Variants in NAA30 observed in about 807,000 individuals in gnomAD.
The protein encoded by NAA30 is N-alpha-acetyltransferase 30, NatC catalytic subunit.
A neutral mutation model predicts 31.4 loss-of-function variants in NAA30; 5 were observed. That is an observed-to-expected ratio of 0.16 (90% confidence interval 0.08 to 0.33). NAA30 has a LOEUF of 0.33. NAA30 is among the 10% of genes least tolerant of loss of function. NAA30 has a pLI of 1.00. For missense variants in NAA30, 428 were observed against 490.8 expected (o/e 0.87, Z 1.21); for synonymous variants, 222 against 207.1 (o/e 1.07, Z -0.62).
chr14:57,396,672 G>A, intron 2 of NAA30, 80 bp from the exon 3 acceptor site: 1 of 1,478,188 alleles, frequency 6.8e-7, no homozygotes, highest in Non-Finnish European at 9.3e-7. Context: ...GCTTACCAAT[G>A]GTTGGTTGTT....
intron 4 of NAA30, among the ~76,000 whole-genome samples, chr14:57,401,352 T>C (rs1260748742): frequency 1.3e-5 from 2 of 152,224 alleles, no homozygotes; most frequent in Non-Finnish European, 2.9e-5. Context: ...TTTAAAAATA[T>C]CTAATTTTAC....
rs1156324365 is a variant in NAA30 at position 57,399,871 on chromosome 14, A to T, written c.939A>T (p.Gly313=). The T allele has an allele frequency of 2.6e-6, 4 of 1,529,920 alleles. No individual in the cohort carries two copies. The highest frequency in any genetic ancestry group is 3.6e-6 in the Non-Finnish European group (4 of 1,106,412). 94.8% of individuals were successfully genotyped at this position (1,529,920 alleles called of 1,614,324 possible). A position where few individuals can be genotyped will look rare whatever the true frequency, so the allele number is the denominator to read the frequency against. ...VKKAIYAMVE[G]DCDEVVLETE... Reference sequence around the variant, plus strand: ...AAGCTATATATGCCATGGTTGAGGGAGACTGTGATGAGGTAAGTCTTTAAA... The same window carrying T: ...AAGCTATATATGCCATGGTTGAGGGTGACTGTGATGAGGTAAGTCTTTAAA... Residue 313 remains glycine, a synonymous_variant, in exon 4 of 5, where the codon GGA becomes GGT. Transcript: ENST00000556492.
chr14:57,404,698 G>A (rs2066491044), intron 4 of NAA30, among the ~76,000 whole-genome samples: 1 of 152,208 alleles, frequency 6.6e-6, no homozygotes, highest in African/African-American at 2.4e-5. Flanking sequence ...CAAAATCATG[G>A]CAGAAGGCAA....
intron 3 of NAA30, among the ~76,000 whole-genome samples, chr14:57,397,724 A>T (rs1353944356): frequency 6.6e-6 from 1 of 152,246 alleles, no homozygotes; most frequent in East Asian, 1.9e-4. Flanking sequence ...CAGGAGTTCA[A>T]GACCAGCCTG....
intron 4 of NAA30, among the ~76,000 whole-genome samples, chr14:57,402,290 T>C (rs774892604): frequency 2.0e-5 from 3 of 152,254 alleles, no homozygotes; most frequent in Non-Finnish European, 4.4e-5. Flanking sequence ...ACTCTTTTTG[T>C]AATTATTGCA....
intron 3 of NAA30, among the ~76,000 whole-genome samples, chr14:57,399,254 A>G (rs572754539): frequency 1.3e-5 from 2 of 152,316 alleles, no homozygotes; most frequent in African/African-American, 4.8e-5. Flanking sequence ...ATTTGACCCT[A>G]AACTAGGATA....
chr14:57,411,730 T>C lies in NAA30; in HGVS notation c.*2214T>C, dbSNP rs1217230124. On this transcript the variant is annotated 3_prime_UTR_variant, in exon 5 of 5. Coordinates refer to ENST00000556492, the MANE Select transcript of NAA30 (RefSeq NM_001011713.3). ...AATGTCAGTGTATGCCTTATGTCTT[T>C]AATTGGGTATGCAAAAAAATTTTTA... 1 of 152,164 alleles carries C rather than the reference T, an allele frequency of 6.6e-6. No individual in the cohort carries two copies. The allele number at this position is 152,164 out of a possible 1,614,324, so 9.4% of individuals were successfully genotyped here.
intron 4 of NAA30, 27 bp from the exon 5 acceptor site, chr14:57,409,352 C>G: frequency 6.5e-7 from 1 of 1,544,972 alleles, no homozygotes. Flanking sequence ...GTAATTATAA[C>G]TTAGTTTTTT....
In NAA30 at chr14:57,403,571, T is replaced by A. The variant is rs561005847; in HGVS notation, c.951+3688T>A. ...AAAAAATTTTTTCATTTTCTATGTA[T>A]TTGGAGCTGACTAAAAAATTATAGT... On this transcript the variant is annotated intron_variant, in intron 4 of 4. Coordinates refer to ENST00000556492, the MANE Select transcript of NAA30 (RefSeq NM_001011713.3). 3.6e-3 allele frequency among the ~76,000 whole-genome samples: 542 copies of A among 152,340 alleles called. 1 individual carries two copies. Among genetic ancestry groups the A allele is most frequent in the African/African-American group, 0.013 (524 of 41,568 alleles).
chr14:57,394,128 A>C (rs1254751992), intron 2 of NAA30, among the ~76,000 whole-genome samples: 2 of 139,576 alleles, frequency 1.4e-5, no homozygotes, highest in African/African-American at 5.1e-5. Flanking sequence ...AAAAAAAAAA[A>C]GGACAAATGT....
intron 4 of NAA30, among the ~76,000 whole-genome samples, chr14:57,406,007 T>A (rs373366104): frequency 1.8e-4 from 27 of 152,314 alleles, no homozygotes; most frequent in African/African-American, 5.5e-4. Flanking sequence ...ATGGTGAATT[T>A]CTAATATAAA....
In NAA30 at chr14:57,412,418, C is replaced by T. The variant is rs1363405428; in HGVS notation, c.*2902C>T. On this transcript the variant is annotated 3_prime_UTR_variant, in exon 5 of 5. Transcript: ENST00000556492. ...TATGGTGTCTAAAAATCATGAAGTTCATCACTTTTCAGGAGTATAGATAAA... is the reference window on the plus strand; with the variant it reads ...TATGGTGTCTAAAAATCATGAAGTTTATCACTTTTCAGGAGTATAGATAAA... 1 of 152,104 alleles carries T rather than the reference C, an allele frequency of 6.6e-6. No individual in the cohort carries two copies. The highest frequency in any genetic ancestry group is 1.5e-5 in the Non-Finnish European group (1 of 68,006). 9.4% of individuals were successfully genotyped at this position (152,104 alleles called of 1,614,324 possible).
rs985784442 is a variant in NAA30, at chr14:57,415,344, A to AT, written c.*5830dup. On this transcript the variant is annotated 3_prime_UTR_variant, in exon 5 of 5. Coordinates refer to ENST00000556492, the MANE Select transcript of NAA30 (RefSeq NM_001011713.3). The stretch of plus-strand genomic sequence containing the variant: ...CACTTGTTCATTTACAACTGCAAAG[A>AT]TTGTATGTCTCCTATGTTTTCCTTT... The AT allele has an allele frequency of 7.9e-5, 12 of 152,308 alleles. No individual in the cohort carries two copies. The highest frequency in any genetic ancestry group is 1.9e-4 in the East Asian group (1 of 5,188). 9.4% of individuals were successfully genotyped at this position (152,308 alleles called of 1,614,324 possible). A position where few individuals can be genotyped will look rare whatever the true frequency, so the allele number is the denominator to read the frequency against.
In NAA30 at chr14:57,391,540, T is replaced by G; in HGVS notation, c.583T>G (p.Cys195Gly). ...RLLSSSLTAD[C>G]SLRSPSGREV... ...GCTGTCTTCGTCCCTGACCGCCGAC[T>G]GCAGCTTAAGAAGCCCTTCGGGCAG... is the stretch of plus-strand genomic sequence containing the variant. Residue 195 changes from cysteine (C) to glycine (G), a missense_variant, in exon 2 of 5, where the codon TGC (cysteine) becomes GGC (glycine). Cys to Gly is a radical substitution (Grantham distance 159). Around this residue, in one of 2 missense-constraint regions of NAA30, gnomAD observed 349 missense variants for 310.4 expected, o/e 1.12. Transcript: ENST00000556492. This position sits in a 1 kb window ranked among gnomAD's most constrained non-coding sequence, Gnocchi z 4.1. The G allele has an allele frequency of 6.2e-6, 10 of 1,613,972 alleles. No individual in the cohort carries two copies. Among genetic ancestry groups the G allele is most frequent in the Non-Finnish European group, 8.5e-6 (10 of 1,180,032 alleles).
rs2066543668 is a variant in NAA30 at position 57,415,557 on chromosome 14, A to G, written c.*6041A>G. On this transcript the variant is annotated 3_prime_UTR_variant, in exon 5 of 5. Coordinates refer to ENST00000556492, the MANE Select transcript of NAA30 (RefSeq NM_001011713.3). ...TTTTAGGAATGCGCTATTTCCAGTA[A>G]GGGAAGTATTGACATTTTTAAGGAA... is the stretch of plus-strand genomic sequence containing the variant. 1 of 152,198 alleles carries G rather than the reference A, an allele frequency of 6.6e-6. No homozygotes were observed. The highest frequency in any genetic ancestry group is 2.1e-4 in the South Asian group (1 of 4,834). The allele number at this position is 152,198 out of a possible 1,614,324, so 9.4% of individuals were successfully genotyped here.
rs1423502108 is a variant in NAA30 at position 57,391,442 on chromosome 14, C to T, written c.485C>T (p.Pro162Leu). 2 of 1,607,396 alleles carry T rather than the reference C, an allele frequency of 1.2e-6. No homozygotes were observed. Among genetic ancestry groups the T allele is most frequent in the African/African-American group, 1.3e-5 (1 of 74,828 alleles). ...GTGGAGGCAGCGGCGGCGAGCGATCCCGCGGCGGCCCGCAATGGACTGGCC... is the reference window on the plus strand; with the variant it reads ...GTGGAGGCAGCGGCGGCGAGCGATCTCGCGGCGGCCCGCAATGGACTGGCC... The part of the protein sequence containing the change: ...SPVEAAAASD[P>L]AAARNGLAEG... The change falls in exon 2 of 5, where the codon CCC becomes CTC. Residue 162 changes from proline to leucine, a missense_variant. By Grantham distance (98) the Pro-to-Leu change is moderately conservative. Around this residue, in one of 2 missense-constraint regions of NAA30, gnomAD observed 349 missense variants for 310.4 expected, o/e 1.12. Coordinates refer to ENST00000556492, the MANE Select transcript of NAA30 (RefSeq NM_001011713.3). This position sits in a 1 kb window ranked among gnomAD's most constrained non-coding sequence, Gnocchi z 4.1.
chr14:57,390,793 C>A, intron 1 of NAA30, 88 bp downstream of exon 1: 1 of 625,452 alleles, frequency 1.6e-6, no homozygotes, highest in Non-Finnish European at 2.4e-6. Context: ...AGCTGGGCGG[C>A]GCTGAAGAGC....
intron 4 of NAA30, among the ~76,000 whole-genome samples, chr14:57,401,717 C>A (rs947678986): frequency 6.6e-6 from 1 of 152,182 alleles, no homozygotes; most frequent in Non-Finnish European, 1.5e-5. Context: ...TACTTGCTAT[C>A]CTAAGTTACT....
intron 4 of NAA30, among the ~76,000 whole-genome samples, chr14:57,400,769 A>G (rs910257000): frequency 2.6e-5 from 4 of 152,214 alleles, no homozygotes; most frequent in Non-Finnish European, 4.4e-5. Context: ...CATATATGAT[A>G]TATGTATGCA....
Sources: gnomAD v4.1 joint callset for allele counts (sites outside exome capture counted in the v4.1 genomes callset) on GRCh38, gnomAD v4.1.1 for gene constraint, gnomAD v4.1.1 regional missense constraint, Gnocchi (gnomAD v3.1) non-coding constraint, MANE v1.5 for transcripts, NCBI Gene and HGNC (gene_info 2026-07-23, HGNC 2026-07-21) for gene names.